Variants in SLC35F4 observed in about 807,000 individuals in gnomAD.
The protein encoded by SLC35F4 is chromosome 14 open reading frame 36.
A neutral mutation model predicts 44.2 loss-of-function variants in SLC35F4; 24 were observed. That is an observed-to-expected ratio of 0.54 (90% CI 0.39 to 0.76). The LOEUF (loss-of-function observed/expected upper bound fraction) is 0.76. SLC35F4 is among the 30% of genes least tolerant of loss of function. SLC35F4 has a pLI of 0.00. For missense variants in SLC35F4, 562 were observed against 586.1 expected (o/e 0.96, Z 0.42); for synonymous variants, 238 against 223.6 (o/e 1.06, Z -0.57).
chr14:57,745,679 T>C (rs1015315973), intron 1 of SLC35F4, among the ~76,000 whole-genome samples: 1 of 152,214 alleles, frequency 6.6e-6, no homozygotes, highest in African/African-American at 2.4e-5. Context: ...AGTGTGGCGA[T>C]TCCTCAAGGA....
intron 1 of SLC35F4, among the ~76,000 whole-genome samples, chr14:57,811,825 T>A (rs757697830): frequency 2.6e-5 from 4 of 151,942 alleles, no homozygotes; most frequent in Non-Finnish European, 5.9e-5. Flanking sequence ...ACAAAAAAAA[T>A]TTAAAAATTA....
chr14:57,685,507 G>T (rs965294803), intron 1 of SLC35F4, among the ~76,000 whole-genome samples: 2 of 152,066 alleles, frequency 1.3e-5, no homozygotes, highest in Admixed American at 1.3e-4. Context: ...TCCCCAAGAG[G>T]CACAATTATT....
At chr14:57,567,535 T>G (rs1332884563) in intron 6 of SLC35F4, among the ~76,000 whole-genome samples, 1 of 152,224 alleles carries the variant, frequency 6.6e-6, no homozygotes, top group Admixed American at 6.5e-5. Context: ...GCTTGGTAGT[T>G]AGAAACAGTG....
At chr14:57,678,969 A>G (rs2074799021) in intron 1 of SLC35F4, among the ~76,000 whole-genome samples, 1 of 152,120 alleles carries the variant, frequency 6.6e-6, no homozygotes. Flanking sequence ...CAGATCAATG[A>G]GACAGAAAAT....
chr14:57,643,820 A>C (rs997892281), intron 1 of SLC35F4, among the ~76,000 whole-genome samples: 2 of 149,844 alleles, frequency 1.3e-5, no homozygotes, highest in Non-Finnish European at 3.0e-5. Context: ...TCCTGTGTCC[A>C]TGTGTTCTCA....
intron 1 of SLC35F4, among the ~76,000 whole-genome samples, chr14:57,910,784 T>C (rs866310433): frequency 2.6e-5 from 4 of 152,068 alleles, no homozygotes; most frequent in Non-Finnish European, 4.4e-5. Flanking sequence ...CCTCTTCATA[T>C]AAGCTTTAGA....
intron 1 of SLC35F4, among the ~76,000 whole-genome samples, chr14:57,768,814 G>A (rs968694649): frequency 3.3e-5 from 5 of 151,942 alleles, no homozygotes; most frequent in African/African-American, 9.7e-5. Context: ...GCGCAGTAGC[G>A]CAATCTCGGC....
intron 1 of SLC35F4, among the ~76,000 whole-genome samples, chr14:57,942,853 C>T (rs1382830880): frequency 7.2e-5 from 11 of 152,160 alleles, no homozygotes; most frequent in African/African-American, 2.4e-4. Flanking sequence ...TCTAATCTGA[C>T]CTTTCCAACT....
chr14:57,959,644 G>A (rs1890305804), intron 1 of SLC35F4, among the ~76,000 whole-genome samples: 1 of 152,166 alleles, frequency 6.6e-6, no homozygotes, highest in African/African-American at 2.4e-5. Context: ...ACTGTAGGTT[G>A]AAGATTCAAC....
intron 1 of SLC35F4, among the ~76,000 whole-genome samples, chr14:57,610,294 G>A (rs1015209819): frequency 6.6e-6 from 1 of 152,164 alleles, no homozygotes; most frequent in Admixed American, 6.5e-5. Context: ...TAATAAAAGT[G>A]AGAATCTGTA....
At chr14:57,754,098 C>CTTTTTTT (rs1200175550) in intron 1 of SLC35F4, among the ~76,000 whole-genome samples, 13 of 110,442 alleles carry the variant, frequency 1.2e-4, no homozygotes, top group East Asian at 2.7e-4. Flanking sequence ...TAACCCAATG[C>CTTTTTTT]TTTTTTTTTT....
chr14:57,664,224 A>G (rs2074233652), intron 1 of SLC35F4, among the ~76,000 whole-genome samples: 1 of 152,174 alleles, frequency 6.6e-6, no homozygotes, highest in Admixed American at 6.6e-5. Context: ...CAGCAACTAC[A>G]TTACTTGTCA....
At position 57,865,608 on chromosome 14, in the gene SLC35F4, G is replaced by A. The variant is rs1030397815; in HGVS notation, c.103+115C>T. On this transcript the variant is annotated intron_variant, in intron 1 of 7. Transcript: ENST00000556826. ...CCGCCAGGAAGGCGGTGTTGACAGC[G>A]TCCGCAGGGCTGCAGGTGTCCGTAC... 5 of 782,074 alleles carry A rather than the reference G, an allele frequency of 6.4e-6. No individual in the cohort carries two copies. In the East Asian group the frequency reaches 1.6e-4, roughly 26 times the overall value. The allele number at this position is 782,074 out of a possible 1,614,324, so 48.4% of individuals were successfully genotyped here. A position where few individuals can be genotyped will look rare whatever the true frequency, so the allele number is the denominator to read the frequency against.
At chr14:57,621,510 A>G (rs1303356190) in intron 1 of SLC35F4, among the ~76,000 whole-genome samples, 3 of 152,112 alleles carry the variant, frequency 2.0e-5, no homozygotes, top group East Asian at 1.9e-4. Context: ...CAGAAATAAC[A>G]CTACATATCT....
chr14:57,582,799 C>T (rs1213985759), intron 3 of SLC35F4, among the ~76,000 whole-genome samples: 4 of 152,118 alleles, frequency 2.6e-5, no homozygotes, highest in Non-Finnish European at 5.9e-5. Context: ...CAAAGTATTG[C>T]AAATCAAAGT....
rs188367519 is a variant in SLC35F4 at position 57,919,941 on chromosome 14, A to G, written n.282+61972T>C. ...TTAGACATGGTCATTCTGTACCTCT[A>G]TAAACCACTTTGCCACCTTTCAGAT... On this transcript the variant is annotated intron_variant and non_coding_transcript_variant, in intron 1 of 1. Coordinates refer to the SLC35F4 transcript ENST00000556568. Among the ~76,000 whole-genome samples, 17 of 152,298 alleles carry G rather than the reference A, an allele frequency of 1.1e-4. No individual in the cohort carries two copies. In the East Asian group the frequency reaches 2.9e-3, roughly 26 times the overall value.
chr14:57,829,100 G>A (rs947543471), intron 1 of SLC35F4, among the ~76,000 whole-genome samples: 4 of 152,172 alleles, frequency 2.6e-5, no homozygotes, highest in Non-Finnish European at 5.9e-5. Flanking sequence ...AATCAGGGAT[G>A]TTCACACAAA....
chr14:57,775,337 C>G (rs1380664823), intron 1 of SLC35F4, among the ~76,000 whole-genome samples: 2 of 152,248 alleles, frequency 1.3e-5, no homozygotes, highest in Non-Finnish European at 2.9e-5. Flanking sequence ...CACCTGTAAA[C>G]AAGGACAAAT....
chr14:57,884,465 C>T (rs1397300066), intron 1 of SLC35F4, among the ~76,000 whole-genome samples: 2 of 152,084 alleles, frequency 1.3e-5, no homozygotes, highest in African/African-American at 2.4e-5. Flanking sequence ...TTCCATATTT[C>T]GTTTCTTTTT....
Sources: allele counts gnomAD v4.1 joint callset (sites outside exome capture counted in the v4.1 genomes callset), GRCh38; gene constraint gnomAD v4.1.1; transcripts MANE v1.5; gene names NCBI Gene and HGNC (gene_info 2026-07-23, HGNC 2026-07-21).